The following MROH7 variants were observed in gnomAD, a reference collection of about 807,000 sequenced individuals.
MROH7 encodes the protein maestro heat-like repeat-containing protein family member 7.
Under a neutral mutation model 129.2 loss-of-function variants are expected in MROH7, and 113 were observed. The observed-to-expected ratio is 0.87, with a 90% confidence interval of 0.75 to 1.02. The LOEUF (loss-of-function observed/expected upper bound fraction) is 1.02, where lower values mean the gene tolerates loss of function less well. Ranked by LOEUF, MROH7 falls within the 50% of genes least tolerant of loss-of-function variation. The pLI, the probability that MROH7 is intolerant of heterozygous loss-of-function variation, is 0.00. For missense variants in MROH7, 1,601 were observed against 1,671.3 expected (o/e 0.96, Z 0.73); for synonymous variants, 655 against 667.9 (o/e 0.98, Z 0.30).
chr1:54,655,297 G>A (rs1438988584), intron 3 of MROH7, among the ~76,000 whole-genome samples: 1 of 151,892 alleles, frequency 6.6e-6, no homozygotes, highest in Non-Finnish European at 1.5e-5. Context: ...TTACAGGCTT[G>A]AGCCACCACA....
intron 21 of MROH7, among the ~76,000 whole-genome samples, chr1:54,704,958 C>T (rs1337101562): frequency 6.6e-6 from 1 of 151,682 alleles, no homozygotes; most frequent in African/African-American, 2.4e-5. Context: ...TGCCACCACA[C>T]CTGGCTAATT....
Position 54,704,757 on chromosome 1 carries a change from A to AT in MROH7, c.3565-1673dup, listed in dbSNP as rs1040790395. ...CACTATGCCTGGTCAGAAACCCTACATTTTTATAGGACATGAATTAGCATT... is the reference window on the plus strand; with the variant it reads ...CACTATGCCTGGTCAGAAACCCTACATTTTTTATAGGACATGAATTAGCATT... On this transcript the variant is annotated intron_variant, in intron 21 of 23. Transcript: ENST00000421030. Among the ~76,000 whole-genome samples, 12 of 124,228 alleles carry AT rather than the reference A, an allele frequency of 9.7e-5. No individual in the cohort carries two copies. In the Admixed American group the frequency reaches 1.0e-3, roughly 10 times the overall value. The allele number at this position is 124,228 out of a possible 152,430, so 81.5% of individuals were successfully genotyped here.
chr1:54,676,621 C>T (rs956700160), intron 10 of MROH7, among the ~76,000 whole-genome samples: 24 of 152,086 alleles, frequency 1.6e-4, no homozygotes, highest in African/African-American at 5.6e-4. Context: ...TCTCGGACTC[C>T]TGATCTCAAG....
chr1:54,686,706 C>A (rs1190504025), intron 15 of MROH7, among the ~76,000 whole-genome samples: 6 of 152,214 alleles, frequency 3.9e-5, no homozygotes, highest in African/African-American at 1.4e-4. Context: ...TCACTCTTTA[C>A]TTTTTCTTCT....
chr1:54,693,926 C>T (rs763618711), intron 16 of MROH7, among the ~76,000 whole-genome samples: 55 of 152,282 alleles, frequency 3.6e-4, no homozygotes, highest in Non-Finnish European at 6.0e-4. Flanking sequence ...CTATCGCCCA[C>T]GCTGGAGTGC....
intron 3 of MROH7, 57 bp from the exon 4 acceptor site, chr1:54,665,109 TG>T: frequency 7.3e-7 from 1 of 1,365,374 alleles, no homozygotes. Flanking sequence ...GATGGCATGA[TG>T]GCATCCTAGG....
At chr1:54,657,137 T>G (rs1325231055) in intron 3 of MROH7, among the ~76,000 whole-genome samples, 1 of 149,716 alleles carries the variant, frequency 6.7e-6, no homozygotes, top group Admixed American at 6.8e-5. Flanking sequence ...AACCTCCACC[T>G]CCAGGGCTCA....
chr1:54,645,728 C>T (rs1350240194), intron 1 of MROH7, among the ~76,000 whole-genome samples: 1 of 148,462 alleles, frequency 6.7e-6, no homozygotes, highest in Non-Finnish European at 1.5e-5. Context: ...TCTTGGCTCA[C>T]CGCAGGCTTG....
chr1:54,652,402 T>C (rs543457149), intron 2 of MROH7, among the ~76,000 whole-genome samples: 1 of 152,164 alleles, frequency 6.6e-6, no homozygotes, highest in African/African-American at 2.4e-5. Context: ...CTCATTTGTC[T>C]ATTTGTAAGC....
At chr1:54,676,802 G>A (rs1250177518) in intron 10 of MROH7, among the ~76,000 whole-genome samples, 2 of 151,548 alleles carry the variant, frequency 1.3e-5, no homozygotes, top group Non-Finnish European at 2.9e-5. Context: ...TCCACCTCCC[G>A]GGTTCAAGAG....
chr1:54,645,655 C>CTTTTTTTT (rs60788847), intron 1 of MROH7, among the ~76,000 whole-genome samples: 2 of 124,250 alleles, frequency 1.6e-5, no homozygotes, highest in Admixed American at 9.3e-5. Flanking sequence ...TTCTTTCTTT[C>CTTTTTTTT]TTTTTTTTTT....
chr1:54,646,650 A>T (rs930983667), intron 1 of MROH7, among the ~76,000 whole-genome samples: 2 of 152,198 alleles, frequency 1.3e-5, no homozygotes, highest in African/African-American at 2.4e-5. Flanking sequence ...TTAAAAAAAA[A>T]TGTGGTATAA....
intron 3 of MROH7, among the ~76,000 whole-genome samples, chr1:54,655,206 G>T (rs1644624859): frequency 6.6e-6 from 1 of 151,750 alleles, no homozygotes; most frequent in Non-Finnish European, 1.5e-5. Flanking sequence ...GTAGAGACAA[G>T]GTTTTGCCAT....
intron 16 of MROH7, among the ~76,000 whole-genome samples, chr1:54,694,246 C>A (rs1645286026): frequency 6.6e-6 from 1 of 152,262 alleles, no homozygotes; most frequent in Non-Finnish European, 1.5e-5. Flanking sequence ...AGTTAAGCAT[C>A]TTTCCCCAAG....
chr1:54,644,189 A>T (rs572791102), intron 1 of MROH7, among the ~76,000 whole-genome samples: 1 of 111,614 alleles, frequency 9.0e-6, no homozygotes, highest in Non-Finnish European at 1.7e-5. Context: ...TGATATAAAC[A>T]TTATTTTGTT....
intron 3 of MROH7, chr1:54,663,677 A>G (rs1417047737): frequency 3.6e-5 from 14 of 383,952 alleles, no homozygotes; most frequent in African/African-American, 3.2e-4. Flanking sequence ...CCCGGCCCCC[A>G]TCAGCTCTAA....
At chr1:54,683,112 G>A (rs1408954999) in intron 14 of MROH7, among the ~76,000 whole-genome samples, 4 of 148,052 alleles carry the variant, frequency 2.7e-5, no homozygotes, top group African/African-American at 1.0e-4. Flanking sequence ...CGGAGGCAGA[G>A]GATCACTTGA....
chr1:54,678,987 C>CTGAG, intron 11 of MROH7, 133 bp downstream of exon 11: 1 of 734,758 alleles, frequency 1.4e-6, no homozygotes, highest in East Asian at 2.7e-5. Flanking sequence ...CACGCCTGTC[C>CTGAG]TGAGTGCCCT....
rs1340940404 is a variant in MROH7 at position 54,701,253 on chromosome 1, G to A, written c.3216G>A (p.Arg1072=). 8 of 1,614,056 alleles carry A rather than the reference G, an allele frequency of 5.0e-6. No individual in the cohort carries two copies. Among genetic ancestry groups the A allele is most frequent in the Non-Finnish European group, 6.8e-6 (8 of 1,179,934 alleles). Residue 1072 remains arginine, a synonymous_variant, in exon 19 of 24, where the codon CGG becomes CGA. Coordinates refer to ENST00000421030, the MANE Select transcript of MROH7 (RefSeq NM_001039464.4). ...ACCTCAAGGCTGTCTTCAAGGGGCG[G>A]GACCAGAAGCTGATGGACAGTGCGG... The part of the protein sequence containing the change: ...VHNLKAVFKG[R]DQKLMDSAVY...
Sources: allele counts gnomAD v4.1 joint callset (sites outside exome capture counted in the v4.1 genomes callset), GRCh38; gene constraint gnomAD v4.1.1; transcripts MANE v1.5; gene names NCBI Gene and HGNC (gene_info 2026-07-23, HGNC 2026-07-21).